Variants in CPOX observed in about 807,000 individuals in gnomAD.
The protein encoded by CPOX is oxygen-dependent coproporphyrinogen-III oxidase, mitochondrial.
Under a neutral mutation model 48.9 loss-of-function variants are expected in CPOX, and 24 were observed. The observed-to-expected ratio is 0.49, with a 90% CI of 0.36 to 0.69. The LOEUF (loss-of-function observed/expected upper bound fraction) is 0.69. Ranked by LOEUF, CPOX falls within the 30% of genes least tolerant of loss-of-function variation. The pLI, the probability that CPOX is intolerant of heterozygous loss-of-function variation, is 0.00. For missense variants in CPOX, 549 were observed against 597.3 expected, an observed-to-expected ratio of 0.92 and a Z score of 0.84; for synonymous variants, 249 against 234.6, an observed-to-expected ratio of 1.06 and a Z score of -0.56.
intron 6 of CPOX, 85 bp from the exon 7 acceptor site, chr3:98,580,855 C>A: frequency 6.9e-7 from 1 of 1,443,538 alleles, no homozygotes; most frequent in Non-Finnish European, 9.3e-7. Context: ...AAAATAAAAT[C>A]CTAAGAATAA....
chr3:98,577,542 G>C (rs560600695), downstream of CPOX, among the ~76,000 whole-genome samples: 1 of 152,188 alleles, frequency 6.6e-6, no homozygotes, highest in Admixed American at 6.5e-5. Context: ...AATCTATTTC[G>C]TGGTTTTGAG....
intron 4 of CPOX, among the ~76,000 whole-genome samples, chr3:98,586,019 C>T (rs1707357614): frequency 6.6e-6 from 1 of 152,030 alleles, no homozygotes; most frequent in Admixed American, 6.5e-5. Flanking sequence ...ACTACAGGTG[C>T]CCACCACCAT....
At chr3:98,581,601 T>G in intron 5 of CPOX, 90 bp from the exon 6 acceptor site, 1 of 955,128 alleles carries the variant, frequency 1.0e-6, no homozygotes, top group East Asian at 2.6e-5. Flanking sequence ...GGGTGGGTTC[T>G]TCCCCCCAGT....
At chr3:98,591,966 C>CATATAT (rs10535615) in intron 1 of CPOX, among the ~76,000 whole-genome samples, 3 of 145,854 alleles carry the variant, frequency 2.1e-5, no homozygotes, top group Non-Finnish European at 4.5e-5. Context: ...ATATTCCATC[C>CATATAT]ATATATATAT....
In CPOX at chr3:98,593,252, A is replaced by G; in HGVS notation, c.253T>C (p.Leu85=). The change falls in exon 1 of 7, where the codon TTG becomes CTG. Residue 85 remains leucine, a synonymous_variant. Coordinates refer to ENST00000647941, the MANE Select transcript of CPOX (RefSeq NM_000097.7). ...AAGGCGGCGGTGGCCAGCCCCACCA[A>G]CCCCGCCAGCGCCGCGGCCAGCCCT... ...GTGLAAALAG[L]VGLATAAFGH... is the part of the protein sequence containing the mutation. 1 of 1,492,484 alleles carries G rather than the reference A, an allele frequency of 6.7e-7. No homozygotes were observed. The allele number at this position is 1,492,484 out of a possible 1,614,324, so 92.5% of individuals were successfully genotyped here.
At chr3:98,582,743 G>A (rs937075350) in intron 5 of CPOX, among the ~76,000 whole-genome samples, 1 of 151,952 alleles carries the variant, frequency 6.6e-6, no homozygotes, top group African/African-American at 2.4e-5. Flanking sequence ...TGCCCGCCTC[G>A]GCCTCCCAAA....
Position 98,580,585 on chromosome 3 carries a change from G to GC in CPOX, c.*97dup. The GC allele has an allele frequency of 6.3e-7, 1 of 1,590,816 alleles. No individual in the cohort carries two copies. The highest frequency in any genetic ancestry group is 1.1e-5 in the South Asian group (1 of 88,840). ...AGGGTGCAGAGTGGAGAAGACTAAG[G>GC]CACGGGTAACTGCCACACAGTGGCA... On this transcript the variant is annotated 3_prime_UTR_variant, in exon 7 of 7. Transcript: ENST00000647941.
rs72924726 is a variant in CPOX at position 98,580,208 on chromosome 3, A to T, written c.*475T>A. ...TAAGGATTACAGCAGAGACTTCAGT[A>T]TTGACAAAGTAAAATTTTTACCTTC... On this transcript the variant is annotated 3_prime_UTR_variant, in exon 7 of 7. Transcript: ENST00000647941. 14,170 of 995,704 alleles carry T rather than the reference A, an allele frequency of 0.014. 182 individuals are homozygous for T. Among genetic ancestry groups the T allele is most frequent in the African/African-American group, 0.049 (2,826 of 57,328 alleles). 61.7% of individuals were successfully genotyped at this position (995,704 alleles called of 1,614,324 possible). A position where few individuals can be genotyped will look rare whatever the true frequency, so the allele number is the denominator to read the frequency against.
Position 98,585,621 on chromosome 3 carries a change from C to T in CPOX, c.992G>A (p.Arg331Gln), listed in dbSNP as rs756432783. The T allele has an allele frequency of 2.0e-5, 32 of 1,613,872 alleles. No individual in the cohort carries two copies. The highest frequency in any genetic ancestry group is 1.6e-4 in the Middle Eastern group (1 of 6,084). The stretch of plus-strand genomic sequence containing the variant: ...AAAAAAGATACCACCAATGCCCCGC[C>T]GTTCTCCACGATGGGCTATAAAGAA... ...DYFFIAHRGE[R>Q]RGIGGIFFDD... Residue 331 changes from arginine (R) to glutamine (Q), a missense_variant, in exon 5 of 7, where the codon CGG becomes CAG. This residue lies in a region of CPOX where 213 missense variants were observed against 279.1 expected (regional missense o/e 0.76). Coordinates refer to ENST00000647941, the MANE Select transcript of CPOX (RefSeq NM_000097.7).
At chr3:98,585,268 CTATAAT>C (rs1411236552) in intron 5 of CPOX, among the ~76,000 whole-genome samples, 167 bp downstream of exon 5, 1 of 152,142 alleles carries the variant, frequency 6.6e-6, no homozygotes, top group Non-Finnish European at 1.5e-5. Flanking sequence ...ATAAACTTTG[CTATAAT>C]TATAATATTA....
chr3:98,592,321 T>C (rs574984058), intron 1 of CPOX, among the ~76,000 whole-genome samples: 1 of 152,320 alleles, frequency 6.6e-6, no homozygotes, highest in Non-Finnish European at 1.5e-5. Context: ...AACATGGTCA[T>C]GAATGTACGC....
chr3:98,570,881 T>C, the CPOX span, among the ~76,000 whole-genome samples: 5 of 152,368 alleles, frequency 3.3e-5, no homozygotes, highest in African/African-American at 1.2e-4. Flanking sequence ...ATTAGTTTTA[T>C]CACTTATGTG....
downstream of CPOX, among the ~76,000 whole-genome samples, chr3:98,576,847 T>C (rs1338748421): frequency 3.9e-5 from 6 of 152,200 alleles, no homozygotes; most frequent in East Asian, 1.9e-4. Context: ...CTACGATATA[T>C]TGCAAAACAG....
chr3:98,592,053 T>C (rs1389901716), intron 1 of CPOX, among the ~76,000 whole-genome samples: 3 of 152,058 alleles, frequency 2.0e-5, no homozygotes, highest in South Asian at 2.1e-4. Context: ...ATATATTTCA[T>C]AGATGGGAAA....
At chr3:98,581,611 T>G in intron 5 of CPOX, 100 bp from the exon 6 acceptor site, 1 of 912,836 alleles carries the variant, frequency 1.1e-6, no homozygotes, top group Non-Finnish European at 1.8e-6. Context: ...TTCCCCCCAG[T>G]TCCCATCAGC....
rs1318015563 is a variant in CPOX at position 98,580,714 on chromosome 3, A to T, written c.1334T>A (p.Val445Asp). 1 of 1,614,224 alleles carries T rather than the reference A, an allele frequency of 6.2e-7. No individual in the cohort carries two copies. The highest frequency in any genetic ancestry group is 1.7e-5 in the Admixed American group (1 of 60,032). Residue 445 changes from valine (V) to aspartate (D), a missense_variant, in exon 7 of 7, where the codon GTT becomes GAT. Physicochemically the swap from Val to Asp is radical, Grantham distance 152. Coordinates refer to ENST00000647941, the MANE Select transcript of CPOX (RefSeq NM_000097.7). ...ENSKEAEILEVLRHPRDWVR is the reference protein window; with the variant it reads ...ENSKEAEILEDLRHPRDWVR ...CACCCAGTCCCTTGGATGGCGTAGA[A>T]CTTCCAGAATTTCAGCTTCTTTGGA...
chr3:98,574,315 G>A, the CPOX span, among the ~76,000 whole-genome samples: 3 of 152,160 alleles, frequency 2.0e-5, no homozygotes, highest in Non-Finnish European at 4.4e-5. Context: ...GCACAGCAAC[G>A]ATGGCTTGTC....
At chr3:98,578,745 C>CA (rs1707197527), downstream of CPOX, among the ~76,000 whole-genome samples, 1 of 152,136 alleles carries the variant, frequency 6.6e-6, no homozygotes, top group Non-Finnish European at 1.5e-5. Context: ...GATGTTCACC[C>CA]ATGTTACTGT....
At chr3:98,590,262 C>G (rs1405818024) in intron 3 of CPOX, among the ~76,000 whole-genome samples, 1 of 152,272 alleles carries the variant, frequency 6.6e-6, no homozygotes, top group Non-Finnish European at 1.5e-5. Context: ...ATTCTTCCAC[C>G]TCAGCTGCCC....
Sources: allele counts gnomAD v4.1 joint callset (sites outside exome capture counted in the v4.1 genomes callset), GRCh38; gene constraint gnomAD v4.1.1; regional missense constraint gnomAD v4.1.1; transcripts MANE v1.5; gene names NCBI Gene and HGNC (gene_info 2026-07-23, HGNC 2026-07-21).